The following CRHR1 variants were observed in gnomAD, a reference collection of about 807,000 sequenced individuals.
CRHR1 encodes the protein corticotropin releasing hormone receptor 1.
CRHR1 carries 28 observed loss-of-function variants against 56.0 expected under a neutral mutation model. That is an observed-to-expected ratio of 0.50 (90% CI 0.37 to 0.69). The LOEUF (loss-of-function observed/expected upper bound fraction) is 0.69. Among genes scored for constraint, CRHR1 ranks in the 30% least tolerant of loss-of-function variants. CRHR1 has a pLI of 0.00. For synonymous variants in CRHR1, 195 were observed against 216.5 expected (o/e 0.90, Z 0.87); for missense variants, 376 against 548.0 (o/e 0.69, Z 3.13).
chr17:45,817,337 G>A (rs568506582), intron 3 of CRHR1, among the ~76,000 whole-genome samples: 135 of 152,336 alleles, frequency 8.9e-4, no homozygotes, highest in African/African-American at 3.1e-3. Flanking sequence ...CCTGAGGGGA[G>A]GCTGGGGGCC....
At chr17:45,795,442 T>C (rs2061500402) in intron 1 of CRHR1, among the ~76,000 whole-genome samples, 1 of 152,224 alleles carries the variant, frequency 6.6e-6, no homozygotes, top group Non-Finnish European at 1.5e-5. Context: ...AATCCTTCAC[T>C]GTGGGGGCTG....
intron 2 of CRHR1, among the ~76,000 whole-genome samples, chr17:45,810,546 C>T (rs934376776): frequency 1.3e-5 from 2 of 152,146 alleles, no homozygotes; most frequent in Admixed American, 1.3e-4. Flanking sequence ...CTGCGTTATG[C>T]GGCCACTCAG....
intron 5 of CRHR1, 78 bp from the exon 6 acceptor site, chr17:45,830,016 G>T: frequency 6.3e-7 from 1 of 1,593,096 alleles, no homozygotes; most frequent in African/African-American, 1.3e-5. Flanking sequence ...ACACATCTGG[G>T]CTGGGGTGAT....
chr17:45,784,468 C>G lies in CRHR1; in HGVS notation c.-77C>G. ...GGCCGCCCACCCCGTGCCGCCCGAG[C>G]CCGCAGCCGCCCGCCGGTCCCTCTG... On this transcript the variant is annotated 5_prime_UTR_variant, in exon 1 of 13. Transcript: ENST00000314537. The surrounding 1 kb of genome is among the most constrained non-coding windows in gnomAD (Gnocchi z 4.2). The G allele has an allele frequency of 5.6e-6, 8 of 1,430,640 alleles. No individual in the cohort carries two copies. The highest frequency in any genetic ancestry group is 1.5e-5 in the African/African-American group (1 of 67,536). The allele number at this position is 1,430,640 out of a possible 1,614,324, so 88.6% of individuals were successfully genotyped here.
At chr17:45,808,446 G>A (rs143759865) in intron 2 of CRHR1, among the ~76,000 whole-genome samples, 10 of 152,286 alleles carry the variant, frequency 6.6e-5, no homozygotes, top group African/African-American at 1.9e-4. Context: ...GGCTAGGGGT[G>A]GGTACTGGTA....
chr17:45,829,846 A>G (rs2062254613), intron 5 of CRHR1, among the ~76,000 whole-genome samples: 1 of 151,776 alleles, frequency 6.6e-6, no homozygotes, highest in African/African-American at 2.4e-5. Flanking sequence ...GCCCTGGTCC[A>G]TGGAGCACAG....
At chr17:45,805,741 C>T (rs1431272860) in intron 1 of CRHR1, among the ~76,000 whole-genome samples, 9 of 152,094 alleles carry the variant, frequency 5.9e-5, no homozygotes, top group African/African-American at 1.9e-4. Flanking sequence ...AGGGGAGGAC[C>T]GGTTACAATG....
intron 1 of CRHR1, among the ~76,000 whole-genome samples, chr17:45,792,841 T>C (rs868336548): frequency 1.6e-4 from 24 of 152,226 alleles, no homozygotes; most frequent in Non-Finnish European, 2.8e-4. Context: ...CATGGACCCC[T>C]GGTGACCCAC....
chr17:45,817,458 A>T (rs1168751892), intron 3 of CRHR1, among the ~76,000 whole-genome samples: 4 of 152,218 alleles, frequency 2.6e-5, no homozygotes, highest in Non-Finnish European at 4.4e-5. Context: ...GTTTACTCCA[A>T]GACTCACTGT....
In CRHR1 at chr17:45,784,471, G is replaced by T. The variant is rs1367933228; in HGVS notation, c.-74G>T. 2.8e-6 allele frequency: 4 copies of T among 1,436,668 alleles called. No individual in the cohort carries two copies. The highest frequency in any genetic ancestry group is 3.7e-6 in the Non-Finnish European group (4 of 1,080,056). 89.0% of individuals were successfully genotyped at this position (1,436,668 alleles called of 1,614,324 possible). On this transcript the variant is annotated 5_prime_UTR_variant, in exon 1 of 13. Coordinates refer to ENST00000314537, the MANE Select transcript of CRHR1 (RefSeq NM_004382.5). This position sits in a 1 kb window ranked among gnomAD's most constrained non-coding sequence, Gnocchi z 4.2. Reference sequence around the variant, plus strand: ...CGCCCACCCCGTGCCGCCCGAGCCCGCAGCCGCCCGCCGGTCCCTCTGGGA... The same window carrying T: ...CGCCCACCCCGTGCCGCCCGAGCCCTCAGCCGCCCGCCGGTCCCTCTGGGA...
chr17:45,788,183 G>A (rs531838927), intron 1 of CRHR1, among the ~76,000 whole-genome samples: 1 of 152,198 alleles, frequency 6.6e-6, no homozygotes, highest in Non-Finnish European at 1.5e-5. Flanking sequence ...GTTAGGTGCC[G>A]GGCTGATAAT....
intron 2 of CRHR1, among the ~76,000 whole-genome samples, chr17:45,811,819 G>T (rs536843867): frequency 6.6e-6 from 1 of 152,294 alleles, no homozygotes; most frequent in East Asian, 1.9e-4. Flanking sequence ...TCTTTGCACT[G>T]CTTAGTTTTT....
chr17:45,824,347 G>A (rs1410828236), intron 4 of CRHR1, among the ~76,000 whole-genome samples: 1 of 152,206 alleles, frequency 6.6e-6, no homozygotes, highest in Non-Finnish European at 1.5e-5. Flanking sequence ...ATGAGGTCAG[G>A]CTGCAGGCCG....
At chr17:45,827,928 G>A (rs971485083) in intron 4 of CRHR1, 1 of 152,242 alleles carries the variant, frequency 6.6e-6, no homozygotes, top group Non-Finnish European at 1.5e-5. Flanking sequence ...AGAAGATGAT[G>A]AGGGCCGTTG....
intron 12 of CRHR1, 98 bp downstream of exon 12, chr17:45,834,146 C>G: frequency 6.9e-7 from 1 of 1,448,102 alleles, no homozygotes; most frequent in Non-Finnish European, 9.7e-7. Context: ...AGGGCTGCCT[C>G]TCTCCCTCCC....
chr17:45,802,850 G>T (rs1424312740), intron 1 of CRHR1, among the ~76,000 whole-genome samples: 1 of 152,190 alleles, frequency 6.6e-6, no homozygotes, highest in Non-Finnish European at 1.5e-5. Context: ...TGCACGCCAG[G>T]ACATTAAGAT....
At chr17:45,813,246 G>T (rs1007644744) in intron 2 of CRHR1, among the ~76,000 whole-genome samples, 1 of 152,104 alleles carries the variant, frequency 6.6e-6, no homozygotes, top group African/African-American at 2.4e-5. Flanking sequence ...TGTCCTCTAG[G>T]TCCCCTCCCT....
intron 2 of CRHR1, 56 bp downstream of exon 2, chr17:45,807,153 C>G (rs1009680275): frequency 2.0e-5 from 30 of 1,468,990 alleles, no homozygotes; most frequent in Non-Finnish European, 2.7e-5. Flanking sequence ...TGCCCCCTAC[C>G]CCAGGTATCC....
chr17:45,791,852 T>TCTCACA (rs60388646), intron 1 of CRHR1, among the ~76,000 whole-genome samples: 3,091 of 121,006 alleles, frequency 0.026, 49 homozygotes, highest in East Asian at 0.074. Context: ...TCTCTCTCTC[T>TCTCACA]CACACACACA....
Sources: allele counts gnomAD v4.1 joint callset (sites outside exome capture counted in the v4.1 genomes callset), GRCh38; gene constraint gnomAD v4.1.1; non-coding constraint Gnocchi (gnomAD v3.1); transcripts MANE v1.5; gene names NCBI Gene and HGNC (gene_info 2026-07-23, HGNC 2026-07-21).